The following ZNF480 variants were observed in gnomAD, a reference collection of about 807,000 sequenced individuals.
The protein encoded by ZNF480 is zinc finger protein 480.
A neutral mutation model predicts 14.4 loss-of-function variants in ZNF480; 15 were observed. That is an observed-to-expected ratio of 1.04 (90% CI 0.70 to 1.60). The LOEUF (loss-of-function observed/expected upper bound fraction) is 1.60, where lower values mean the gene tolerates loss of function less well. ZNF480 is among the 40% of genes most tolerant of loss of function. The pLI, the probability that ZNF480 is intolerant of heterozygous loss-of-function variation, is 0.00. For missense variants in ZNF480, 593 were observed against 629.7 expected (o/e 0.94, Z 0.62); for synonymous variants, 218 against 215.5 (o/e 1.01, Z -0.10).
chr19:52,302,734 C>T (rs1267420260), intron 2 of ZNF480, among the ~76,000 whole-genome samples: 1 of 152,200 alleles, frequency 6.6e-6, no homozygotes, highest in Non-Finnish European at 1.5e-5. Context: ...TTAACTCCTC[C>T]TGTAAAAGAT....
intron 1 of ZNF480, among the ~76,000 whole-genome samples, chr19:52,299,514 C>G (rs1417233036): frequency 6.6e-6 from 1 of 152,144 alleles, no homozygotes; most frequent in Non-Finnish European, 1.5e-5. Flanking sequence ...TTCCCTTGAC[C>G]CTTTGCTCAG....
intron 2 of ZNF480, among the ~76,000 whole-genome samples, chr19:52,302,857 G>C (rs1982761000): frequency 6.6e-6 from 1 of 152,208 alleles, no homozygotes; most frequent in South Asian, 2.1e-4. Flanking sequence ...GTTAAATTGT[G>C]AAAGTGTCTG....
chr19:52,305,440 C>T (rs1177251090), intron 2 of ZNF480, among the ~76,000 whole-genome samples: 1 of 152,186 alleles, frequency 6.6e-6, no homozygotes, highest in Non-Finnish European at 1.5e-5. Context: ...GTTCATAGCA[C>T]AGGAGCTTCC....
At chr19:52,319,135 A>G (rs1983689081) in intron 4 of ZNF480, among the ~76,000 whole-genome samples, 2 of 152,156 alleles carry the variant, frequency 1.3e-5, no homozygotes. Flanking sequence ...GAACCCTGAG[A>G]TTACAGGTGT....
intron 2 of ZNF480, among the ~76,000 whole-genome samples, chr19:52,304,904 C>T (rs1181155526): frequency 6.6e-6 from 1 of 151,942 alleles, no homozygotes; most frequent in Non-Finnish European, 1.5e-5. Context: ...TGAGACCATC[C>T]TGGCCAACAT....
intron 2 of ZNF480, chr19:52,300,714 G>C (rs905595871): frequency 1.3e-5 from 9 of 691,852 alleles, no homozygotes; most frequent in Non-Finnish European, 2.1e-5. Context: ...TGGGATCAGG[G>C]GCCAACAGCC....
In ZNF480 at chr19:52,323,373, T is replaced by C. The variant is rs1983939767; in HGVS notation, c.*515T>C. The C allele has an allele frequency of 6.6e-6, 1 of 151,628 alleles. No individual in the cohort carries two copies. Among genetic ancestry groups the C allele is most frequent in the South Asian group, 2.1e-4 (1 of 4,816 alleles). 9.4% of individuals were successfully genotyped at this position (151,628 alleles called of 1,614,324 possible). On this transcript the variant is annotated 3_prime_UTR_variant, in exon 5 of 5. Transcript: ENST00000595962. ...TTATAGTTGAAGCCTACGAGATGTATAAAGAAAAGCTGTTACCAATCTTAC... is the reference window on the plus strand; with the variant it reads ...TTATAGTTGAAGCCTACGAGATGTACAAAGAAAAGCTGTTACCAATCTTAC...
Position 52,315,921 on chromosome 19 carries a change from A to G in ZNF480, c.287A>G (p.Lys96Arg), listed in dbSNP as rs754402303. Reference sequence around the variant, plus strand: ...GGTGAGAGTGAAGTGAAAATAGCAAAAAATTCAGATGGGAGGGAGTGCATC... The same window carrying G: ...GGTGAGAGTGAAGTGAAAATAGCAAGAAATTCAGATGGGAGGGAGTGCATC... ...WSGESEVKIA[K>R]NSDGRECIKG... is the part of the protein sequence containing the mutation. Residue 96 changes from lysine to arginine, a missense_variant, in exon 4 of 5, where the codon AAA (lysine) becomes AGA (arginine). Physicochemically the swap from Lys to Arg is conservative, Grantham distance 26 (BLOSUM62 2). Transcript: ENST00000595962. 2.0e-5 allele frequency: 32 copies of G among 1,612,644 alleles called. No individual in the cohort carries two copies. The highest frequency in any genetic ancestry group is 7.7e-5 in the South Asian group (7 of 90,936).
chr19:52,324,606 A>T lies in ZNF480; in HGVS notation c.*1748A>T, dbSNP rs1055313247. 6.6e-6 allele frequency: 1 copy of T among 152,210 alleles called. No individual in the cohort carries two copies. Among genetic ancestry groups the T allele is most frequent in the Non-Finnish European group, 1.5e-5 (1 of 68,034 alleles). 9.4% of individuals were successfully genotyped at this position (152,210 alleles called of 1,614,324 possible). ...TAAAAAAAGACACATAGATCAATGG[A>T]ATAGGTAAGAGAACCCAGAAATAAA... is the stretch of plus-strand genomic sequence containing the variant. On this transcript the variant is annotated 3_prime_UTR_variant, in exon 5 of 5. Transcript: ENST00000595962.
In ZNF480 at chr19:52,322,863, T is replaced by C; in HGVS notation, c.*5T>C. 1 of 1,550,342 alleles carries C rather than the reference T, an allele frequency of 6.5e-7. No homozygotes were observed. Among genetic ancestry groups the C allele is most frequent in the Non-Finnish European group, 8.7e-7 (1 of 1,145,984 alleles). ...TGGACAATTCATATGGGATAGAAAC[T>C]ACAAATGCAACAAATGCGTCAAAGA... is the stretch of plus-strand genomic sequence containing the variant. On this transcript the variant is annotated 3_prime_UTR_variant, in exon 5 of 5. Coordinates refer to ENST00000595962, the MANE Select transcript of ZNF480 (RefSeq NM_144684.4).
intron 1 of ZNF480, among the ~76,000 whole-genome samples, chr19:52,298,514 CCA>C (rs1982525571): frequency 6.6e-6 from 1 of 151,980 alleles, no homozygotes; most frequent in African/African-American, 2.4e-5. Flanking sequence ...GCGTGTAATC[CCA>C]GCTACTCAGG....
intron 4 of ZNF480, among the ~76,000 whole-genome samples, 156 bp downstream of exon 4, chr19:52,316,118 G>A (rs1487821436): frequency 2.6e-5 from 4 of 152,096 alleles, no homozygotes; most frequent in Admixed American, 1.3e-4. Context: ...GAGAGACAGA[G>A]CGAGACTCAG....
At chr19:52,314,473 CAA>C (rs34349660) in intron 3 of ZNF480, among the ~76,000 whole-genome samples, 194 bp downstream of exon 3, 551 of 66,226 alleles carry the variant, frequency 8.3e-3, no homozygotes, top group East Asian at 0.029. Flanking sequence ...AACTCCGTCC[CAA>C]AAAAAAAAAA....
intron 2 of ZNF480, among the ~76,000 whole-genome samples, chr19:52,304,372 A>G (rs749605557): frequency 3.3e-5 from 5 of 152,202 alleles, no homozygotes; most frequent in Admixed American, 6.5e-5. Flanking sequence ...ATCTGTCAAC[A>G]TGCTCCATTT....
intron 2 of ZNF480, chr19:52,313,878 C>T (rs1379162069): frequency 7.6e-6 from 3 of 393,830 alleles, no homozygotes; most frequent in Non-Finnish European, 1.5e-5. Context: ...ACTTGGGAGG[C>T]TGAGGCACAA....
In ZNF480 at chr19:52,322,914, A is replaced by C; in HGVS notation, c.*56A>C. The C allele has an allele frequency of 6.8e-7, 1 of 1,468,052 alleles. No individual in the cohort carries two copies. The highest frequency in any genetic ancestry group is 9.1e-7 in the Non-Finnish European group (1 of 1,101,154). The allele number at this position is 1,468,052 out of a possible 1,614,324, so 90.9% of individuals were successfully genotyped here. On this transcript the variant is annotated 3_prime_UTR_variant, in exon 5 of 5. Transcript: ENST00000595962. Reference sequence around the variant, plus strand: ...ATTTAGTGTGCACTCAAGCCTTACTACCCATCTTTTATTCCATACTGCAAA... The same window carrying C: ...ATTTAGTGTGCACTCAAGCCTTACTCCCCATCTTTTATTCCATACTGCAAA...
intron 1 of ZNF480, chr19:52,297,840 A>C (rs1446265629): frequency 2.6e-5 from 4 of 152,364 alleles, no homozygotes; most frequent in African/African-American, 9.7e-5. Flanking sequence ...CTGCTTGTGG[A>C]CATCGGATCC....
chr19:52,309,763 A>G (rs796185131), intron 2 of ZNF480, among the ~76,000 whole-genome samples: 2 of 152,192 alleles, frequency 1.3e-5, no homozygotes, highest in African/African-American at 4.8e-5. Context: ...TGGCTTCTGG[A>G]TTTCTCACAA....
chr19:52,318,803 T>G (rs1177245136), intron 4 of ZNF480, among the ~76,000 whole-genome samples: 1 of 152,174 alleles, frequency 6.6e-6, no homozygotes, highest in Non-Finnish European at 1.5e-5. Context: ...GACATTTTGA[T>G]TGAACATTAT....
Sources: allele counts gnomAD v4.1 joint callset (sites outside exome capture counted in the v4.1 genomes callset), GRCh38; gene constraint gnomAD v4.1.1; transcripts MANE v1.5; gene names NCBI Gene and HGNC (gene_info 2026-07-23, HGNC 2026-07-21).